Variants in TTC17 observed in about 807,000 individuals in gnomAD.
TTC17 encodes tetratricopeptide repeat domain 17, also known as tetratricopeptide repeat protein 17.
A neutral mutation model predicts 143.8 loss-of-function variants in TTC17; 58 were observed. The observed-to-expected ratio is 0.40, with a 90% CI of 0.33 to 0.50. TTC17 has a LOEUF of 0.50. Among genes scored for constraint, TTC17 ranks in the 20% least tolerant of loss-of-function variants. The probability of loss-of-function intolerance (pLI) is 0.49; values close to 1 mark genes in which losing one functional copy is unlikely to be tolerated. For missense variants in TTC17, 1,273 were observed against 1,392.5 expected (o/e 0.91, Z 1.37); for synonymous variants, 501 against 497.8 (o/e 1.01, Z -0.09).
chr11:43,444,993 A>G (rs894005820), intron 18 of TTC17, among the ~76,000 whole-genome samples: 6 of 152,226 alleles, frequency 3.9e-5, no homozygotes, highest in African/African-American at 1.4e-4. Context: ...TACAAGTGCC[A>G]TAGATGTAAG....
intron 2 of TTC17, among the ~76,000 whole-genome samples, chr11:43,380,055 G>T (rs1012705839): frequency 6.6e-6 from 1 of 152,048 alleles, no homozygotes; most frequent in East Asian, 1.9e-4. Context: ...AAAAACTAAT[G>T]GGAATAATAA....
chr11:43,431,653 A>G (rs1380734463), intron 16 of TTC17, among the ~76,000 whole-genome samples: 2 of 152,246 alleles, frequency 1.3e-5, no homozygotes, highest in Non-Finnish European at 2.9e-5. Context: ...TGTGCTACGC[A>G]ATGGTCTAGC....
At chr11:43,426,005 T>C (rs1565159525) in intron 16 of TTC17, among the ~76,000 whole-genome samples, 1 of 152,164 alleles carries the variant, frequency 6.6e-6, no homozygotes, top group Non-Finnish European at 1.5e-5. Context: ...AGTGAGATGA[T>C]TATGGAAAAT....
Position 43,407,583 on chromosome 11 carries a change from GT to G in TTC17, c.2064+10del. ...TGGCCATCAATAGCTCTGAGGTGAG[GT>G]TTTAAGGGATTTCATAGTTCCGTAT... On this transcript the variant is annotated splice_region_variant and intron_variant, in intron 15 of 23. Coordinates refer to ENST00000039989, the MANE Select transcript of TTC17 (RefSeq NM_018259.6). 1 of 1,612,758 alleles carries G rather than the reference GT, an allele frequency of 6.2e-7. No individual in the cohort carries two copies. The highest frequency in any genetic ancestry group is 1.1e-5 in the South Asian group (1 of 91,010).
In TTC17 at chr11:43,391,921, T is replaced by C. The variant is rs769707539; in HGVS notation, c.632T>C (p.Ile211Thr). The part of the protein sequence containing the change: ...SKRLGRSIDD[I>T]GHLIHEGLQK... ...CGGTTAGGAAGGAGTATAGATGACA[T>C]AGGTCACCTCATTCATGAAGGCCTA... is the stretch of plus-strand genomic sequence containing the variant. The change falls in exon 5 of 24, where the codon ATA becomes ACA. Residue 211 changes from isoleucine (I) to threonine (T), a missense_variant. By Grantham distance (89) the Ile-to-Thr change is moderately conservative (BLOSUM62 -1). Around this residue, in one of 3 missense-constraint regions of TTC17, gnomAD observed 325 missense variants for 444.2 expected, o/e 0.73. Transcript: ENST00000039989. 1 of 1,612,266 alleles carries C rather than the reference T, an allele frequency of 6.2e-7. No individual in the cohort carries two copies. Among genetic ancestry groups the C allele is most frequent in the East Asian group, 2.2e-5 (1 of 44,796 alleles).
In TTC17 at chr11:43,444,108, C is replaced by A. The variant is rs1241703954; in HGVS notation, c.2564C>A (p.Thr855Asn). 6.2e-7 allele frequency: 1 copy of A among 1,613,124 alleles called. No homozygotes were observed. Among genetic ancestry groups the A allele is most frequent in the Non-Finnish European group, 8.5e-7 (1 of 1,179,562 alleles). The change falls in exon 18 of 24, where the codon ACT (threonine) becomes AAT (asparagine). Residue 855 changes from threonine (T) to asparagine (N), a missense_variant. Around this residue, in one of 3 missense-constraint regions of TTC17, gnomAD observed 878 missense variants for 899.8 expected, o/e 0.98. Coordinates refer to ENST00000039989, the MANE Select transcript of TTC17 (RefSeq NM_018259.6). ...AAACCCAAAGGAGATCATAAGAAAA[C>A]TCCTGGGAAAAAAGTAGAAACAGGT... ...VKKPKGDHKK[T>N]PGKKVETGQI...
chr11:43,465,562 T>C (rs1947954904), intron 21 of TTC17, among the ~76,000 whole-genome samples: 1 of 152,128 alleles, frequency 6.6e-6, no homozygotes, highest in Non-Finnish European at 1.5e-5. Flanking sequence ...AGAATTGCAA[T>C]AACTGAAATT....
intron 21 of TTC17, among the ~76,000 whole-genome samples, chr11:43,460,118 T>A (rs895363622): frequency 2.6e-5 from 4 of 152,044 alleles, no homozygotes; most frequent in African/African-American, 9.7e-5. Context: ...TTTTTTTTTT[T>A]AACTTCAGAA....
At chr11:43,429,902 A>G (rs759331305) in intron 16 of TTC17, among the ~76,000 whole-genome samples, 10 of 152,216 alleles carry the variant, frequency 6.6e-5, no homozygotes, top group South Asian at 2.1e-4. Flanking sequence ...AGAGTATAAT[A>G]TAAGCCTGTT....
chr11:43,393,732 G>A (rs1490118429), intron 5 of TTC17, among the ~76,000 whole-genome samples: 1 of 152,144 alleles, frequency 6.6e-6, no homozygotes, highest in Non-Finnish European at 1.5e-5. Context: ...CATCCCATTA[G>A]CATATGAAAG....
chr11:43,382,275 A>G (rs1038564377), intron 2 of TTC17, among the ~76,000 whole-genome samples: 2 of 152,222 alleles, frequency 1.3e-5, no homozygotes, highest in African/African-American at 4.8e-5. Context: ...TGAAAGAAAC[A>G]TATTAAGTAT....
intron 16 of TTC17, among the ~76,000 whole-genome samples, chr11:43,434,410 C>T (rs1554995098): frequency 1.3e-5 from 2 of 152,208 alleles, no homozygotes; most frequent in East Asian, 1.9e-4. Flanking sequence ...TACTGATCGG[C>T]GGGGGGAAGC....
In TTC17 at chr11:43,391,936, A is replaced by G. The variant is rs772134073; in HGVS notation, c.647A>G (p.His216Arg). Residue 216 changes from histidine (H) to arginine (R), a missense_variant, in exon 5 of 24, where the codon CAT (histidine) becomes CGT (arginine). Transcript: ENST00000039989. The part of the protein sequence containing the change: ...RSIDDIGHLI[H>R]EGLQKNTSSW... Reference sequence around the variant, plus strand: ...ATAGATGACATAGGTCACCTCATTCATGAAGGCCTACAGAAGGTAAGTCAT... The same window carrying G: ...ATAGATGACATAGGTCACCTCATTCGTGAAGGCCTACAGAAGGTAAGTCAT... 7 of 1,610,244 alleles carry G rather than the reference A, an allele frequency of 4.3e-6. No individual in the cohort carries two copies. The highest frequency in any genetic ancestry group is 1.7e-5 in the Admixed American group (1 of 59,014).
chr11:43,473,882 CAAAA>C (rs781437584), intron 21 of TTC17, among the ~76,000 whole-genome samples: 1 of 60,660 alleles, frequency 1.6e-5, no homozygotes, highest in Admixed American at 1.9e-4. Flanking sequence ...GACTCTGTCT[CAAAA>C]AAAAAAAAAA....
intron 1 of TTC17, among the ~76,000 whole-genome samples, chr11:43,369,641 G>A (rs1296550720): frequency 6.8e-6 from 1 of 148,074 alleles, no homozygotes; most frequent in Non-Finnish European, 1.5e-5. Context: ...TTTTGAAACA[G>A]AGTCTTGCTC....
intron 3 of TTC17, among the ~76,000 whole-genome samples, chr11:43,390,651 AAAAAT>A (rs1360836908): frequency 1.3e-5 from 2 of 148,834 alleles, no homozygotes; most frequent in Non-Finnish European, 1.5e-5. Flanking sequence ...ATAAAAATAA[AAAAAT>A]AAAAATGAAA....
At position 43,493,862 on chromosome 11, in the gene TTC17, C is replaced by T. The variant is rs1948513712; in HGVS notation, c.3384C>T (p.Ile1128=). ...FVPAKNRIQT[I]QCHLMLKKGR... Reference sequence around the variant, plus strand: ...CAGCCAAGAACCGAATCCAGACCATCCAGTGTCACTTAATGCTGAAGAAGG... The same window carrying T: ...CAGCCAAGAACCGAATCCAGACCATTCAGTGTCACTTAATGCTGAAGAAGG... The change falls in exon 24 of 24, where the codon ATC becomes ATT. Residue 1128 remains isoleucine (I), a synonymous_variant. Transcript: ENST00000039989. 1 of 1,613,822 alleles carries T rather than the reference C, an allele frequency of 6.2e-7. No homozygotes were observed. The highest frequency in any genetic ancestry group is 1.7e-5 in the Admixed American group (1 of 59,982).
chr11:43,463,007 C>G (rs1014390402), intron 21 of TTC17, among the ~76,000 whole-genome samples: 3 of 149,832 alleles, frequency 2.0e-5, no homozygotes, highest in African/African-American at 7.5e-5. Flanking sequence ...CCTCTGCCTC[C>G]CAGGTTCAAG....
intron 16 of TTC17, among the ~76,000 whole-genome samples, chr11:43,426,374 A>C (rs146862806): frequency 7.1e-4 from 108 of 152,358 alleles, no homozygotes; most frequent in African/African-American, 2.6e-3. Flanking sequence ...ATGTAACAAA[A>C]ATACATAATA....
Sources: allele counts gnomAD v4.1 joint callset (sites outside exome capture counted in the v4.1 genomes callset), GRCh38; gene constraint gnomAD v4.1.1; regional missense constraint gnomAD v4.1.1; transcripts MANE v1.5; gene names NCBI Gene and HGNC (gene_info 2026-07-23, HGNC 2026-07-21).